The following LRP1B variants were observed in gnomAD, a reference collection of about 807,000 sequenced individuals.
The protein encoded by LRP1B is LDL receptor related protein 1B.
In LRP1B, 217 loss-of-function variants were observed where a neutral mutation model predicts 556.6. That is an observed-to-expected ratio of 0.39 (90% CI 0.35 to 0.44). LRP1B has a LOEUF of 0.44. Ranked by LOEUF, LRP1B falls within the 20% of genes least tolerant of loss-of-function variation. The pLI is 1.00. For synonymous variants in LRP1B, 2,047 were observed against 1,865.8 expected, an observed-to-expected ratio of 1.10 and a Z score of -2.50; for missense variants, 5,053 against 5,620.8, an observed-to-expected ratio of 0.90 and a Z score of 3.23.
At chr2:140,866,304 T>A (rs1692949485) in intron 27 of LRP1B, among the ~76,000 whole-genome samples, 1 of 152,150 alleles carries the variant, frequency 6.6e-6, no homozygotes, top group Admixed American at 6.6e-5. Context: ...TATTTTTTCA[T>A]TATACTAGTG....
chr2:140,476,511 T>C (rs1315759696), intron 59 of LRP1B, among the ~76,000 whole-genome samples: 1 of 152,014 alleles, frequency 6.6e-6, no homozygotes, highest in Non-Finnish European at 1.5e-5. Flanking sequence ...GTTCAGATAT[T>C]TTAACCACAT....
rs879372888 is a variant in LRP1B at position 140,390,806 on chromosome 2, A to AC, written c.10415-4798_10415-4797insG. Among the ~76,000 whole-genome samples the AC allele has an allele frequency of 2.7e-3, 401 of 146,722 alleles. 2 individuals carry two copies. The highest frequency in any genetic ancestry group is 2.6e-3 in the Non-Finnish European group (172 of 65,944). On this transcript the variant is annotated intron_variant, in intron 66 of 90. Transcript: ENST00000389484. The stretch of plus-strand genomic sequence containing the variant: ...CACACACACACACACACACACACAC[A>AC]ACATATTTGAGTAGCAAATTAAGGT...
intron 2 of LRP1B, among the ~76,000 whole-genome samples, chr2:141,567,458 T>A (rs541584325): frequency 6.6e-6 from 1 of 152,296 alleles, no homozygotes; most frequent in African/African-American, 2.4e-5. Flanking sequence ...GTTGCCATAT[T>A]TCTGTTTCCA....
intron 2 of LRP1B, among the ~76,000 whole-genome samples, chr2:141,612,687 GCC>G (rs1688147920): frequency 6.6e-6 from 1 of 152,122 alleles, no homozygotes; most frequent in African/African-American, 2.4e-5. Flanking sequence ...TCACATTAAT[GCC>G]ATAGGCAACC....
chr2:140,320,886 TACAC>T (rs59640913), intron 82 of LRP1B, among the ~76,000 whole-genome samples: 1 of 150,898 alleles, frequency 6.6e-6, no homozygotes, highest in African/African-American at 2.4e-5. Flanking sequence ...CTACTAAAAA[TACAC>T]ACACACACAC....
chr2:141,908,208 T>C (rs1382714394), intron 1 of LRP1B, among the ~76,000 whole-genome samples: 1 of 152,098 alleles, frequency 6.6e-6, no homozygotes, highest in Non-Finnish European at 1.5e-5. Flanking sequence ...TATATGTTAT[T>C]TGTTCATTTG....
chr2:141,010,374 A>T (rs1298669377), intron 14 of LRP1B, among the ~76,000 whole-genome samples: 1 of 152,132 alleles, frequency 6.6e-6, no homozygotes, highest in Non-Finnish European at 1.5e-5. Context: ...AAGAAATCAC[A>T]GTAATATATG....
At chr2:142,127,915 C>A (rs569406405) in intron 1 of LRP1B, among the ~76,000 whole-genome samples, 1 of 152,092 alleles carries the variant, frequency 6.6e-6, no homozygotes, top group Non-Finnish European at 1.5e-5. Context: ...TCAAGCAATA[C>A]TTTGATATGA....
chr2:140,798,623 A>C (rs770379685), intron 32 of LRP1B, among the ~76,000 whole-genome samples: 36 of 152,166 alleles, frequency 2.4e-4, no homozygotes, highest in African/African-American at 8.2e-4. Flanking sequence ...TTTTACCCCA[A>C]ATAGTTCCTT....
At chr2:141,651,829 T>C (rs534856671) in intron 2 of LRP1B, among the ~76,000 whole-genome samples, 65 of 152,320 alleles carry the variant, frequency 4.3e-4, no homozygotes, top group Non-Finnish European at 7.9e-4. Context: ...TACAGGATTA[T>C]ATAATTTTTC....
chr2:141,137,220 G>A (rs748023486), intron 7 of LRP1B, among the ~76,000 whole-genome samples: 1 of 151,928 alleles, frequency 6.6e-6, no homozygotes, highest in Admixed American at 6.6e-5. Flanking sequence ...AGGAACATCG[G>A]CCTAATAGAC....
At chr2:141,351,197 G>T (rs1163425886) in intron 3 of LRP1B, among the ~76,000 whole-genome samples, 2 of 151,946 alleles carry the variant, frequency 1.3e-5, no homozygotes, top group African/African-American at 4.8e-5. Context: ...AAGGAATCAA[G>T]AATCAACATT....
chr2:141,634,353 T>C (rs1333210231), intron 2 of LRP1B, among the ~76,000 whole-genome samples: 1 of 151,992 alleles, frequency 6.6e-6, no homozygotes, highest in Non-Finnish European at 1.5e-5. Context: ...TTCATAATCA[T>C]TTAAAATAGA....
At chr2:140,768,341 A>T (rs1267002479) in intron 35 of LRP1B, among the ~76,000 whole-genome samples, 1 of 151,914 alleles carries the variant, frequency 6.6e-6, no homozygotes, top group Non-Finnish European at 1.5e-5. Flanking sequence ...TTATAAATCA[A>T]ATAGCTATTT....
At chr2:140,973,492 T>TATCA (rs943474467) in intron 18 of LRP1B, among the ~76,000 whole-genome samples, 84 of 152,192 alleles carry the variant, frequency 5.5e-4, no homozygotes, top group African/African-American at 1.9e-3. Flanking sequence ...ATCAGAAGAC[T>TATCA]ATCAAAATAA....
intron 2 of LRP1B, among the ~76,000 whole-genome samples, chr2:141,791,053 T>A (rs185556679): frequency 0.011 from 1,625 of 152,122 alleles, 36 homozygotes; most frequent in African/African-American, 0.038. Flanking sequence ...TCTGTTTTTT[T>A]AAAAAGTAAT....
chr2:141,000,607 T>G (rs916125169), intron 15 of LRP1B, among the ~76,000 whole-genome samples: 7 of 151,384 alleles, frequency 4.6e-5, no homozygotes, highest in African/African-American at 1.7e-4. Context: ...TACATTCCAC[T>G]TGCACTGTGG....
intron 2 of LRP1B, among the ~76,000 whole-genome samples, chr2:141,508,126 T>C (rs527520604): frequency 2.0e-5 from 3 of 150,690 alleles, no homozygotes; most frequent in South Asian, 2.1e-4. Context: ...AATTAAAACA[T>C]AGCTCTAATT....
chr2:140,977,049 A>T lies in LRP1B; in HGVS notation c.2887+5111T>A, dbSNP rs146093010. Reference sequence around the variant, plus strand: ...ACATGTCATTGTTTGAAACATTATCATGTTTAATCATGAAATGCCCTTATA... The same window carrying T: ...ACATGTCATTGTTTGAAACATTATCTTGTTTAATCATGAAATGCCCTTATA... On this transcript the variant is annotated intron_variant, in intron 18 of 90. Transcript: ENST00000389484. Among the ~76,000 whole-genome samples, 31 of 152,346 alleles carry T rather than the reference A, an allele frequency of 2.0e-4. No homozygotes were observed. The East Asian group carries it at 5.6e-3, about 27-fold the overall frequency.
Sources: gnomAD v4.1 joint callset for allele counts (sites outside exome capture counted in the v4.1 genomes callset) on GRCh38, gnomAD v4.1.1 for gene constraint, MANE v1.5 for transcripts, NCBI Gene and HGNC (gene_info 2026-07-23, HGNC 2026-07-21) for gene names.